LAMP5: variants seen among roughly 807,000 people sequenced by gnomAD.
LAMP5 encodes lysosome associated membrane protein 5.
A neutral mutation model predicts 30.2 loss-of-function variants in LAMP5; 36 were observed. That is an observed-to-expected ratio of 1.19 (90% CI 0.91 to 1.57). LAMP5 has a LOEUF of 1.57. LAMP5 is among the 40% of genes most tolerant of loss of function. The probability of loss-of-function intolerance (pLI) is 0.00; values close to 1 mark genes in which losing one functional copy is unlikely to be tolerated. For missense variants in LAMP5, 377 were observed against 354.9 expected (o/e 1.06, Z -0.50); for synonymous variants, 149 against 134.6 (o/e 1.11, Z -0.74).
chr20:9,516,191 G>A lies in LAMP5; in HGVS notation c.369+60G>A, dbSNP rs540363776. 30 of 1,604,426 alleles carry A rather than the reference G, an allele frequency of 1.9e-5. No homozygotes were observed. In the African/African-American group the frequency reaches 3.4e-4, roughly 18 times the overall value. Reference sequence around the variant, plus strand: ...GCTCCGCGTGGGTGTGGGAAGTGGCGGCCCCTAGGTTTAAGAACCCAGACG... The same window carrying A: ...GCTCCGCGTGGGTGTGGGAAGTGGCAGCCCCTAGGTTTAAGAACCCAGACG... On this transcript the variant is annotated intron_variant, in intron 3 of 5. Coordinates refer to ENST00000246070, the MANE Select transcript of LAMP5 (RefSeq NM_012261.4).
At position 9,518,142 on chromosome 20, in the gene LAMP5, G is replaced by A. The variant is rs772802166; in HGVS notation, c.578G>A (p.Ser193Asn). The A allele has an allele frequency of 6.2e-7, 1 of 1,614,070 alleles. No individual in the cohort carries two copies. The highest frequency in any genetic ancestry group is 1.3e-5 in the African/African-American group (1 of 74,926). ...CAACAAACCATTTCACTGGCCTCTAGTGATCCGCAGAAGACGGTCACCATG... is the reference window on the plus strand; with the variant it reads ...CAACAAACCATTTCACTGGCCTCTAATGATCCGCAGAAGACGGTCACCATG... ...QAQQTISLAS[S>N]DPQKTVTMIL... The change falls in exon 5 of 6, where the codon AGT becomes AAT. Residue 193 changes from serine to asparagine, a missense_variant. Physicochemically the swap from Ser to Asn is conservative, Grantham distance 46 (BLOSUM62 1). Coordinates refer to ENST00000246070, the MANE Select transcript of LAMP5 (RefSeq NM_012261.4).
Position 9,521,984 on chromosome 20 carries a change from A to ACAGAACTG in LAMP5, c.664+3762_664+3769dup, listed in dbSNP as rs374087558. ...ACAAAACAAAACAAAAAGAAACAAA[A>ACAGAACTG]CAGAACTGCAGAAAGATACTGAGAT... On this transcript the variant is annotated intron_variant, in intron 5 of 5. Coordinates refer to ENST00000246070, the MANE Select transcript of LAMP5 (RefSeq NM_012261.4). 1.2e-3 allele frequency among the ~76,000 whole-genome samples: 177 copies of ACAGAACTG among 152,276 alleles called. 2 individuals are homozygous for ACAGAACTG. The highest frequency in any genetic ancestry group is 4.0e-3 in the African/African-American group (165 of 41,538).
chr20:9,525,987 C>T (rs534515217), intron 5 of LAMP5, among the ~76,000 whole-genome samples: 1 of 152,178 alleles, frequency 6.6e-6, no homozygotes, highest in Admixed American at 6.5e-5. Flanking sequence ...AAGAAGTGAG[C>T]TAAAACCATG....
intron 5 of LAMP5, among the ~76,000 whole-genome samples, chr20:9,528,847 T>C (rs1268268037): frequency 6.6e-6 from 1 of 152,196 alleles, no homozygotes; most frequent in Admixed American, 6.5e-5. Context: ...AATCATACAG[T>C]ATGTATACAC....
chr20:9,523,149 C>T (rs558505611), intron 5 of LAMP5, among the ~76,000 whole-genome samples: 1 of 152,028 alleles, frequency 6.6e-6, no homozygotes, highest in African/African-American at 2.4e-5. Context: ...TCTCCAAAGC[C>T]CACTCATCTT....
At chr20:9,515,404 C>T in intron 1 of LAMP5, 49 bp from the exon 2 acceptor site, 1 of 1,563,178 alleles carries the variant, frequency 6.4e-7, no homozygotes, top group Non-Finnish European at 8.7e-7. Context: ...GCGCCCGAGA[C>T]GCGTGGGCTG....
intron 5 of LAMP5, among the ~76,000 whole-genome samples, chr20:9,523,480 CAT>C (rs2045092316): frequency 3.3e-5 from 5 of 152,286 alleles, no homozygotes; most frequent in Admixed American, 1.3e-4. Context: ...AAATAAAACA[CAT>C]ATCTAGCAAC....
intron 2 of LAMP5, 106 bp from the exon 3 acceptor site, chr20:9,515,894 A>G (rs1250873969): frequency 5.3e-6 from 7 of 1,313,188 alleles, no homozygotes; most frequent in Non-Finnish European, 7.1e-6. Context: ...GCGCGCGCGC[A>G]AAGGAGCGCC....
intron 5 of LAMP5, among the ~76,000 whole-genome samples, chr20:9,526,882 A>G (rs1453949204): frequency 1.6e-5 from 2 of 123,444 alleles, no homozygotes; most frequent in African/African-American, 5.7e-5. Context: ...ATATATATAT[A>G]TATATATATA....
chr20:9,525,888 A>T (rs62193584), intron 5 of LAMP5, among the ~76,000 whole-genome samples: 7,829 of 152,064 alleles, frequency 0.051, 315 homozygotes, highest in East Asian at 0.21. Context: ...CTCTTTCTCC[A>T]TTGCCTCTCC....
rs527297130 is a variant in LAMP5, at chr20:9,529,948, A to C, written c.*128A>C. On this transcript the variant is annotated 3_prime_UTR_variant, in exon 6 of 6. Coordinates refer to ENST00000246070, the MANE Select transcript of LAMP5 (RefSeq NM_012261.4). ...ACAATCAAACAGGCCTGGGTATCTG[A>C]GGCTTGCTTGGCTTGTGTCCATGCT... 1 of 939,336 alleles carries C rather than the reference A, an allele frequency of 1.1e-6. No homozygotes were observed. The highest frequency in any genetic ancestry group is 1.6e-5 in the African/African-American group (1 of 61,156). The allele number at this position is 939,336 out of a possible 1,614,324, so 58.2% of individuals were successfully genotyped here.
chr20:9,525,277 A>G (rs6039490), intron 5 of LAMP5, among the ~76,000 whole-genome samples: 63,963 of 152,006 alleles, frequency 0.42, 15,809 homozygotes, highest in African/African-American at 0.69. Context: ...CCATATTTAA[A>G]AGAAGTACAC....
At chr20:9,515,029 C>T (rs2045025259) in intron 1 of LAMP5, 113 bp downstream of exon 1, 2 of 1,014,358 alleles carry the variant, frequency 2.0e-6, no homozygotes, top group Non-Finnish European at 3.0e-6. Context: ...TAATGTTTTG[C>T]GGTGTTTTTT....
intron 4 of LAMP5, among the ~76,000 whole-genome samples, chr20:9,517,341 T>A (rs565170593): frequency 1.1e-4 from 17 of 152,304 alleles, no homozygotes; most frequent in Non-Finnish European, 1.5e-4. Flanking sequence ...TGTCCGGCTT[T>A]GTTGAGGAAG....
intron 5 of LAMP5, among the ~76,000 whole-genome samples, chr20:9,529,040 A>G (rs1466796156): frequency 6.6e-6 from 1 of 152,226 alleles, no homozygotes; most frequent in East Asian, 1.9e-4. Flanking sequence ...GCTATTATGA[A>G]TAAAGCTGCT....
chr20:9,515,354 T>C, intron 1 of LAMP5, 99 bp from the exon 2 acceptor site: 1 of 1,148,020 alleles, frequency 8.7e-7, no homozygotes, highest in Non-Finnish European at 1.2e-6. Flanking sequence ...CAGAGAACTT[T>C]GTCACTCCAA....
Position 9,515,540 on chromosome 20 carries a change from G to C in LAMP5, c.152G>C (p.Arg51Pro). 6.2e-7 allele frequency: 1 copy of C among 1,614,142 alleles called. No homozygotes were observed. ...TNPEKDIFVV[R>P]ENGTTCLMAE... ...CCTGAAAAAGATATATTTGTGGTGC[G>C]GGAAAATGGGACGACGTGTCTCATG... Residue 51 changes from arginine to proline, a missense_variant, in exon 2 of 6, where the codon CGG becomes CCG. By Grantham distance (103) the Arg-to-Pro change is moderately radical (BLOSUM62 -2). Transcript: ENST00000246070.
intron 5 of LAMP5, among the ~76,000 whole-genome samples, chr20:9,526,875 T>C (rs1464557016): frequency 9.4e-6 from 1 of 106,644 alleles, no homozygotes; most frequent in Non-Finnish European, 1.9e-5. Context: ...TATATATATA[T>C]ATATATATAT....
intron 4 of LAMP5, 33 bp downstream of exon 4, chr20:9,516,394 C>G (rs775485283): frequency 1.7e-5 from 26 of 1,540,176 alleles, no homozygotes; most frequent in Admixed American, 1.2e-4. Context: ...GGGGAGGGAG[C>G]CTGGGAACTC....
Sources: gnomAD v4.1 joint callset for allele counts (sites outside exome capture counted in the v4.1 genomes callset) on GRCh38, gnomAD v4.1.1 for gene constraint, MANE v1.5 for transcripts, NCBI Gene and HGNC (gene_info 2026-07-23, HGNC 2026-07-21) for gene names.